NXN: variants seen among roughly 807,000 people sequenced by gnomAD.
NXN encodes the protein nucleoredoxin 1.
NXN carries 16 observed loss-of-function variants against 48.6 expected under a neutral mutation model. The ratio of observed to expected loss-of-function variants is 0.33; its 90% CI spans 0.22 to 0.50. The LOEUF is 0.50. Ranked by LOEUF, NXN falls within the 20% of genes least tolerant of loss-of-function variation. The pLI is 0.98. For synonymous variants in NXN, 281 were observed against 269.6 expected (o/e 1.04, Z -0.41); for missense variants, 492 against 605.5 (o/e 0.81, Z 1.97).
At chr17:834,603 T>C (rs1321681286) in intron 1 of NXN, among the ~76,000 whole-genome samples, 2 of 151,968 alleles carry the variant, frequency 1.3e-5, no homozygotes, top group Non-Finnish European at 2.9e-5. Flanking sequence ...TTAGTAGAGA[T>C]TCAAACCTCC....
At chr17:829,499 A>C (rs1913332874) in intron 1 of NXN, among the ~76,000 whole-genome samples, 1 of 150,254 alleles carries the variant, frequency 6.7e-6, no homozygotes, top group African/African-American at 2.5e-5. Flanking sequence ...ACATGTGCAG[A>C]ATGTGCAGGT....
At chr17:909,506 A>C (rs1344789254) in intron 1 of NXN, 1 of 150,662 alleles carries the variant, frequency 6.6e-6, no homozygotes, top group African/African-American at 2.4e-5. Context: ...ACTTCTGCTG[A>C]TAAACTTGTG....
chr17:851,136 T>C (rs1360315472), intron 1 of NXN, among the ~76,000 whole-genome samples: 1 of 152,226 alleles, frequency 6.6e-6, no homozygotes, highest in Non-Finnish European at 1.5e-5. Flanking sequence ...AGAACCGAAC[T>C]GCTAAACATC....
chr17:966,365 G>A (rs1159380003), intron 1 of NXN, among the ~76,000 whole-genome samples: 1 of 149,520 alleles, frequency 6.7e-6, no homozygotes, highest in Non-Finnish European at 1.5e-5. Context: ...TTTTTCTTTT[G>A]AGATGGAGTT....
In NXN at chr17:978,223, G is replaced by A. The variant is rs1299890219; in HGVS notation, c.360+1096C>T. ...CCAGAAACAGGCTTTCCTCAAAAAG[G>A]GAAAGGGGCTGGATTCACACGTTGC... On this transcript the variant is annotated intron_variant, in intron 1 of 7. Coordinates refer to ENST00000336868, the MANE Select transcript of NXN (RefSeq NM_022463.5). This position sits in a 1 kb window ranked among gnomAD's most constrained non-coding sequence, Gnocchi z 4.1. 1.3e-5 allele frequency: 2 copies of A among 152,154 alleles called. No individual in the cohort carries two copies. The highest frequency in any genetic ancestry group is 2.9e-5 in the Non-Finnish European group (2 of 68,044). The allele number at this position is 152,154 out of a possible 1,614,324, so 9.4% of individuals were successfully genotyped here. A position where few individuals can be genotyped will look rare whatever the true frequency, so the allele number is the denominator to read the frequency against.
chr17:896,811 C>G, intron 1 of NXN: 1 of 1,118,724 alleles, frequency 8.9e-7, no homozygotes, highest in Non-Finnish European at 1.1e-6. Flanking sequence ...ACACTTGAAC[C>G]TCTGCAGATC....
chr17:822,828 A>G (rs533171993), intron 3 of NXN, among the ~76,000 whole-genome samples: 18 of 152,278 alleles, frequency 1.2e-4, no homozygotes, highest in African/African-American at 4.1e-4. Context: ...GGCTGGGTGC[A>G]GTGGCTCACG....
chr17:805,705 G>T (rs192621145), intron 5 of NXN, among the ~76,000 whole-genome samples: 1 of 152,136 alleles, frequency 6.6e-6, no homozygotes, highest in African/African-American at 2.4e-5. Flanking sequence ...GGGCGTGGTG[G>T]CGGGCGCCTG....
At chr17:926,534 G>GTTTTTTTTTTTTT (rs60470915) in intron 1 of NXN, among the ~76,000 whole-genome samples, 1 of 141,510 alleles carries the variant, frequency 7.1e-6, no homozygotes. Flanking sequence ...CATGTTTTTT[G>GTTTTTTTTTTTTT]TTTTTTTTTT....
chr17:901,032 T>C (rs138858706), intron 1 of NXN, among the ~76,000 whole-genome samples: 1,743 of 151,384 alleles, frequency 0.012, 33 homozygotes, highest in African/African-American at 0.035. Context: ...GTGATTCTCG[T>C]GCCTCAGCCT....
rs117939683 is a variant in NXN at position 973,458 on chromosome 17, T to C, written c.360+5861A>G. ...AATTTCTCTCAAGAAGAGTGCCTGA[T>C]CATCTTTAAGTTACAAGGGTGACTG... is the stretch of plus-strand genomic sequence containing the variant. On this transcript the variant is annotated intron_variant, in intron 1 of 7. Coordinates refer to ENST00000336868, the MANE Select transcript of NXN (RefSeq NM_022463.5). Among the ~76,000 whole-genome samples, 19 of 152,326 alleles carry C rather than the reference T, an allele frequency of 1.2e-4. No homozygotes were observed. In the East Asian group the frequency reaches 3.1e-3, roughly 25 times the overall value.
intron 6 of NXN, 36 bp downstream of exon 6, chr17:805,032 G>T: frequency 8.5e-7 from 1 of 1,177,980 alleles, no homozygotes; most frequent in Non-Finnish European, 1.2e-6. Context: ...CCGCCCCCCA[G>T]CCACCCCTCG....
Position 920,251 on chromosome 17 carries a change from T to TC in NXN, c.360+59067dup, listed in dbSNP as rs570855985. 4.0e-4 allele frequency among the ~76,000 whole-genome samples: 61 copies of TC among 151,580 alleles called. No individual in the cohort carries two copies. Among genetic ancestry groups the TC allele is most frequent in the Admixed American group, 3.2e-3 (48 of 15,192 alleles). On this transcript the variant is annotated intron_variant, in intron 1 of 7. Transcript: ENST00000336868. The surrounding 1 kb of genome is among the most constrained non-coding windows in gnomAD (Gnocchi z 4.6). ...CTTATCAATGCTGCCTCCTGTCATC[T>TC]CCCCCCGCCCCTGGCTCCCGCTTTG...
At chr17:855,642 A>T (rs1370211045) in intron 1 of NXN, among the ~76,000 whole-genome samples, 1 of 152,200 alleles carries the variant, frequency 6.6e-6, no homozygotes, top group African/African-American at 2.4e-5. Flanking sequence ...GTCCCATCTG[A>T]TCCACCAGTT....
chr17:806,698 C>T (rs1190981309), intron 5 of NXN, among the ~76,000 whole-genome samples: 1 of 152,240 alleles, frequency 6.6e-6, no homozygotes, highest in Non-Finnish European at 1.5e-5. Context: ...GCTCCGCTGA[C>T]ATTCTCCTTC....
At chr17:808,740 T>C (rs954319857) in intron 5 of NXN, among the ~76,000 whole-genome samples, 5 of 148,660 alleles carry the variant, frequency 3.4e-5, no homozygotes, top group African/African-American at 1.2e-4. Context: ...AATGGTGCGA[T>C]CTCAGCTCCC....
At chr17:934,020 A>G (rs2048242) in intron 1 of NXN, among the ~76,000 whole-genome samples, 88,858 of 152,088 alleles carry the variant, frequency 0.58, 26,334 homozygotes, top group East Asian at 0.89. Flanking sequence ...CGATGTTCTC[A>G]AACTTCAATT....
At chr17:906,386 G>C (rs1458013507) in intron 1 of NXN, among the ~76,000 whole-genome samples, 1 of 152,192 alleles carries the variant, frequency 6.6e-6, no homozygotes, top group East Asian at 1.9e-4. Flanking sequence ...AAAAATGTCT[G>C]TAGTTCCCAC....
chr17:976,852 C>T (rs1478512655), intron 1 of NXN, among the ~76,000 whole-genome samples: 1 of 151,848 alleles, frequency 6.6e-6, no homozygotes, highest in Non-Finnish European at 1.5e-5. Context: ...CCGCAACCTC[C>T]GCCTCCCAGG....
Sources: allele counts gnomAD v4.1 joint callset (sites outside exome capture counted in the v4.1 genomes callset), GRCh38; gene constraint gnomAD v4.1.1; non-coding constraint Gnocchi (gnomAD v3.1); transcripts MANE v1.5; gene names NCBI Gene and HGNC (gene_info 2026-07-23, HGNC 2026-07-21).